Variants in RANBP17 observed in about 807,000 individuals in gnomAD.
The protein encoded by RANBP17 is ran-binding protein 17.
Under a neutral mutation model 141.2 loss-of-function variants are expected in RANBP17, and 158 were observed. That is an observed-to-expected ratio of 1.12 (90% CI 0.98 to 1.28). RANBP17 has a LOEUF of 1.28. RANBP17 is among the 50% of genes most tolerant of loss of function. The pLI is 0.00. For missense variants in RANBP17, 1,438 were observed against 1,290.7 expected (o/e 1.11, Z -1.75); for synonymous variants, 430 against 450.0 (o/e 0.96, Z 0.56).
At chr5:171,048,343 A>G (rs1782730277) in intron 14 of RANBP17, among the ~76,000 whole-genome samples, 2 of 152,146 alleles carry the variant, frequency 1.3e-5, no homozygotes, top group Admixed American at 1.3e-4. Flanking sequence ...TATAGGTGTG[A>G]CCCAGGATGC....
At chr5:171,046,359 C>T (rs1439752259) in intron 14 of RANBP17, among the ~76,000 whole-genome samples, 2 of 151,952 alleles carry the variant, frequency 1.3e-5, no homozygotes, top group African/African-American at 4.8e-5. Context: ...CAGGCACGCT[C>T]CACCACGTCC....
chr5:170,941,956 C>T (rs904357978), intron 12 of RANBP17, among the ~76,000 whole-genome samples: 2 of 152,126 alleles, frequency 1.3e-5, no homozygotes, highest in Non-Finnish European at 2.9e-5. Flanking sequence ...GGCCATGAAG[C>T]GGTACTGGTT....
chr5:171,008,762 A>C (rs1581384513), intron 14 of RANBP17, among the ~76,000 whole-genome samples: 3 of 152,268 alleles, frequency 2.0e-5, no homozygotes, highest in African/African-American at 7.2e-5. Context: ...TCTTTTGTGG[A>C]TCTTCAGTTG....
At chr5:171,167,495 A>G (rs1477639219) in intron 14 of RANBP17, among the ~76,000 whole-genome samples, 1 of 152,196 alleles carries the variant, frequency 6.6e-6, no homozygotes, top group Non-Finnish European at 1.5e-5. Flanking sequence ...AGATAATGCC[A>G]TGGACACATC....
chr5:171,150,984 A>G (rs1758429631), intron 14 of RANBP17, among the ~76,000 whole-genome samples: 1 of 152,234 alleles, frequency 6.6e-6, no homozygotes, highest in African/African-American at 2.4e-5. Context: ...AAAGAAAATG[A>G]ACTAGTTGAG....
At chr5:170,879,896 A>T (rs921534380) in intron 2 of RANBP17, among the ~76,000 whole-genome samples, 1 of 152,224 alleles carries the variant, frequency 6.6e-6, no homozygotes, top group Non-Finnish European at 1.5e-5. Context: ...AAGTGAATGA[A>T]GTCCACTGTT....
chr5:171,274,249 A>AC (rs1767358189), intron 25 of RANBP17, among the ~76,000 whole-genome samples: 1 of 152,078 alleles, frequency 6.6e-6, no homozygotes, highest in Admixed American at 6.6e-5. Context: ...CCAGGTAATA[A>AC]AAGTCCAAAA....
chr5:171,101,518 A>G (rs972881547), intron 14 of RANBP17, among the ~76,000 whole-genome samples: 2 of 152,192 alleles, frequency 1.3e-5, no homozygotes, highest in Admixed American at 6.5e-5. Context: ...GGTCTCCTGA[A>G]TACAGCACAC....
intron 1 of RANBP17, among the ~76,000 whole-genome samples, chr5:170,870,656 T>C (rs1202465307): frequency 2.0e-5 from 3 of 152,218 alleles, no homozygotes; most frequent in Non-Finnish European, 4.4e-5. Flanking sequence ...GTCTTTGCTA[T>C]TGTGAATAGT....
intron 14 of RANBP17, among the ~76,000 whole-genome samples, chr5:171,042,599 C>A (rs1581474040): frequency 6.6e-6 from 1 of 152,214 alleles, no homozygotes; most frequent in Non-Finnish European, 1.5e-5. Context: ...TTGGGAACAT[C>A]AAGAATAGAT....
chr5:170,880,254 G>A lies in RANBP17; in HGVS notation c.166-1552G>A, dbSNP rs138025714. Among the ~76,000 whole-genome samples, 531 of 152,268 alleles carry A rather than the reference G, an allele frequency of 3.5e-3. 3 individuals are homozygous for A. The highest frequency in any genetic ancestry group is 6.8e-3 in the Middle Eastern group (2 of 294). ...ATAGTAAGTATTGGTAACATTAATG[G>A]TATGAGCATTATAAGAAACATCTGT... On this transcript the variant is annotated intron_variant, in intron 2 of 27. Coordinates refer to ENST00000523189, the MANE Select transcript of RANBP17 (RefSeq NM_022897.5).
intron 16 of RANBP17, 51 bp downstream of exon 16, chr5:171,171,337 G>A (rs948370937): frequency 7.0e-6 from 7 of 994,616 alleles, no homozygotes; most frequent in Admixed American, 2.4e-5. Context: ...CCTAGCAGAT[G>A]CATTTAATTA....
intron 14 of RANBP17, among the ~76,000 whole-genome samples, chr5:171,089,159 G>A (rs1365754839): frequency 6.7e-6 from 1 of 149,956 alleles, no homozygotes; most frequent in East Asian, 2.0e-4. Context: ...TGTCCTTTCT[G>A]TTTGTTTTCC....
intron 14 of RANBP17, among the ~76,000 whole-genome samples, chr5:171,024,078 A>T (rs562332127): frequency 1.3e-5 from 2 of 152,202 alleles, no homozygotes; most frequent in East Asian, 1.9e-4. Flanking sequence ...TAGATGCTAG[A>T]ATTATAAAAA....
chr5:171,255,790 T>C (rs548739017), intron 24 of RANBP17, among the ~76,000 whole-genome samples: 6 of 152,188 alleles, frequency 3.9e-5, no homozygotes, highest in Non-Finnish European at 7.3e-5. Context: ...TGGTTTAAGT[T>C]GTAAATGGTG....
intron 24 of RANBP17, among the ~76,000 whole-genome samples, chr5:171,248,123 T>A (rs1423128251): frequency 6.6e-6 from 1 of 151,784 alleles, no homozygotes. Context: ...TCTCAGCACT[T>A]TGGGAGGCAG....
At chr5:170,893,764 G>T (rs1484394953) in intron 4 of RANBP17, among the ~76,000 whole-genome samples, 1 of 151,024 alleles carries the variant, frequency 6.6e-6, no homozygotes, top group Middle Eastern at 3.2e-3. Flanking sequence ...CTGCACTCCA[G>T]CCTGGGCAAC....
intron 14 of RANBP17, among the ~76,000 whole-genome samples, chr5:171,062,456 A>T (rs1315780844): frequency 2.0e-5 from 3 of 152,090 alleles, no homozygotes; most frequent in Non-Finnish European, 4.4e-5. Flanking sequence ...TGGGTTGAAA[A>T]TTTGTTTCTT....
chr5:170,972,175 A>ATTTTTT (rs5873248), intron 14 of RANBP17, among the ~76,000 whole-genome samples: 6 of 101,370 alleles, frequency 5.9e-5, no homozygotes, highest in East Asian at 6.0e-4. Flanking sequence ...GATCTTTAGG[A>ATTTTTT]TTTTTTTTTT....
Sources: allele counts gnomAD v4.1 joint callset (sites outside exome capture counted in the v4.1 genomes callset), GRCh38; gene constraint gnomAD v4.1.1; transcripts MANE v1.5; gene names NCBI Gene and HGNC (gene_info 2026-07-23, HGNC 2026-07-21).